The following GALK2 variants were observed in gnomAD, a reference collection of about 807,000 sequenced individuals.
GALK2 encodes N-acetylgalactosamine kinase.
In GALK2, 36 loss-of-function variants were observed where a neutral mutation model predicts 52.4. The observed-to-expected ratio is 0.69, with a 90% CI of 0.53 to 0.91. The LOEUF (loss-of-function observed/expected upper bound fraction) is 0.91, where lower values mean the gene tolerates loss of function less well. GALK2 is among the 40% of genes least tolerant of loss of function. The pLI is 0.00. For synonymous variants in GALK2, 176 were observed against 199.1 expected (o/e 0.88, Z 0.98); for missense variants, 579 against 559.1 (o/e 1.04, Z -0.36).
At chr15:49,279,755 A>G (rs2032424117) in intron 5 of GALK2, among the ~76,000 whole-genome samples, 1 of 152,242 alleles carries the variant, frequency 6.6e-6, no homozygotes, top group African/African-American at 2.4e-5. Context: ...CATCTCTTAC[A>G]TAATGATGAA....
At chr15:49,275,981 T>C (rs191718710) in intron 5 of GALK2, among the ~76,000 whole-genome samples, 41 of 152,338 alleles carry the variant, frequency 2.7e-4, no homozygotes, top group African/African-American at 9.6e-4. Flanking sequence ...TCATTAACTA[T>C]CTTTAGTAGC....
At chr15:49,275,007 A>T (rs2031427117) in intron 5 of GALK2, among the ~76,000 whole-genome samples, 1 of 152,310 alleles carries the variant, frequency 6.6e-6, no homozygotes, top group South Asian at 2.1e-4. Context: ...TATGCTCTAA[A>T]ATAATGATAA....
intron 9 of GALK2, among the ~76,000 whole-genome samples, chr15:49,322,829 C>T (rs371031497): frequency 6.6e-6 from 1 of 151,820 alleles, no homozygotes; most frequent in South Asian, 2.1e-4. Flanking sequence ...TGGCGGCATG[C>T]GCCTGTAGTC....
In GALK2 at chr15:49,288,625, T is replaced by C. The variant is rs150912697; in HGVS notation, c.757-3702T>C. On this transcript the variant is annotated intron_variant, in intron 7 of 9. Coordinates refer to ENST00000560031, the MANE Select transcript of GALK2 (RefSeq NM_002044.4). ...CCAGTTGATTCAATAGTGCATACTC[T>C]GCCAAGACTCTGGCATGGAGTATTC... 1.1e-3 allele frequency among the ~76,000 whole-genome samples: 169 copies of C among 152,324 alleles called. 1 individual carries two copies. The highest frequency in any genetic ancestry group is 4.0e-3 in the African/African-American group (165 of 41,580).
intron 5 of GALK2, among the ~76,000 whole-genome samples, chr15:49,273,870 ACAGT>A (rs2031187838): frequency 1.3e-5 from 2 of 152,180 alleles, no homozygotes; most frequent in Non-Finnish European, 2.9e-5. Context: ...TCTAGATGAA[ACAGT>A]CAGGGTTGTA....
downstream of GALK2, among the ~76,000 whole-genome samples, chr15:49,332,852 T>A (rs764099415): frequency 6.6e-6 from 1 of 152,164 alleles, no homozygotes; most frequent in Non-Finnish European, 1.5e-5. Context: ...CAGAGTGGGA[T>A]TACTTAGTCG....
At chr15:49,335,501 T>C, downstream of GALK2, 1 of 1,607,978 alleles carries the variant, frequency 6.2e-7, no homozygotes, top group East Asian at 2.2e-5. Flanking sequence ...GGTAGTGTGC[T>C]AGGCTTATTA....
At chr15:49,306,714 T>TCC (rs2035577025) in intron 8 of GALK2, among the ~76,000 whole-genome samples, 2 of 152,198 alleles carry the variant, frequency 1.3e-5, no homozygotes, top group African/African-American at 4.8e-5. Flanking sequence ...CACGATTCCT[T>TCC]CTTAACTCTC....
intron 8 of GALK2, among the ~76,000 whole-genome samples, chr15:49,311,218 TTG>T (rs1214582871): frequency 6.6e-6 from 1 of 152,232 alleles, no homozygotes; most frequent in African/African-American, 2.4e-5. Flanking sequence ...TGTGTGTATG[TTG>T]TGTTATATGC....
At chr15:49,244,208 C>A (rs1595809943) in intron 5 of GALK2, among the ~76,000 whole-genome samples, 1 of 151,898 alleles carries the variant, frequency 6.6e-6, no homozygotes, top group South Asian at 2.1e-4. Flanking sequence ...TCTCAAAGCT[C>A]TGGGATTATA....
chr15:49,296,800 C>T (rs1340621109), intron 8 of GALK2, among the ~76,000 whole-genome samples: 3 of 152,124 alleles, frequency 2.0e-5, no homozygotes, highest in African/African-American at 4.8e-5. Flanking sequence ...AGGGTTTCAC[C>T]ATGTTGGCCA....
At chr15:49,176,839 C>T (rs1177080097) in intron 1 of GALK2, among the ~76,000 whole-genome samples, 1 of 152,106 alleles carries the variant, frequency 6.6e-6, no homozygotes, top group Non-Finnish European at 1.5e-5. Flanking sequence ...TTAGACCAGC[C>T]TCCTAAAATG....
chr15:49,169,733 C>G (rs762806444), upstream of GALK2, among the ~76,000 whole-genome samples: 4 of 152,118 alleles, frequency 2.6e-5, no homozygotes, highest in Non-Finnish European at 5.9e-5. Context: ...GGAAGGCCCA[C>G]CAATGCCTCT....
intron 1 of GALK2, chr15:49,195,029 C>A: frequency 2.3e-6 from 1 of 439,696 alleles, no homozygotes; most frequent in Non-Finnish European, 4.5e-6. Flanking sequence ...GATGTTGTAT[C>A]ATCTTATCCA....
chr15:49,221,460 G>A (rs1402273435), intron 3 of GALK2, among the ~76,000 whole-genome samples: 3 of 152,052 alleles, frequency 2.0e-5, no homozygotes, highest in Non-Finnish European at 4.4e-5. Context: ...GAGGTCAGGA[G>A]TTTGAGACCA....
At chr15:49,266,592 A>G (rs547637997) in intron 5 of GALK2, among the ~76,000 whole-genome samples, 6 of 152,228 alleles carry the variant, frequency 3.9e-5, no homozygotes, top group African/African-American at 1.2e-4. Flanking sequence ...GACAGCTTCT[A>G]TGATCATATG....
At chr15:49,248,307 A>G (rs2091443221) in intron 5 of GALK2, among the ~76,000 whole-genome samples, 1 of 152,260 alleles carries the variant, frequency 6.6e-6, no homozygotes, top group South Asian at 2.1e-4. Context: ...TATTATGCTT[A>G]GAAGTCCACA....
chr15:49,244,285 G>A (rs2091243338), intron 5 of GALK2, among the ~76,000 whole-genome samples: 1 of 151,738 alleles, frequency 6.6e-6, no homozygotes, highest in South Asian at 2.1e-4. Flanking sequence ...AAGTGAAAAT[G>A]TGAATTTGGA....
chr15:49,322,278 A>C (rs1276963018), intron 9 of GALK2, among the ~76,000 whole-genome samples: 1 of 152,174 alleles, frequency 6.6e-6, no homozygotes, highest in Non-Finnish European at 1.5e-5. Context: ...TCACTTTTTC[A>C]TGATTGTTTT....
Sources: gnomAD v4.1 joint callset for allele counts (sites outside exome capture counted in the v4.1 genomes callset) on GRCh38, gnomAD v4.1.1 for gene constraint, MANE v1.5 for transcripts, NCBI Gene and HGNC (gene_info 2026-07-23, HGNC 2026-07-21) for gene names.